SLC14A2: variants seen among roughly 807,000 people sequenced by gnomAD.
The protein encoded by SLC14A2 is solute carrier family 14 member 2.
A neutral mutation model predicts 104.6 loss-of-function variants in SLC14A2; 91 were observed. That is an observed-to-expected ratio of 0.87 (90% CI 0.73 to 1.04). The LOEUF (loss-of-function observed/expected upper bound fraction) is 1.04. Ranked by LOEUF, SLC14A2 falls within the 50% of genes least tolerant of loss-of-function variation. The pLI is 0.00. For missense variants in SLC14A2, 1,189 were observed against 1,156.0 expected (o/e 1.03, Z -0.41); for synonymous variants, 476 against 466.4 (o/e 1.02, Z -0.27).
chr18:45,171,403 G>T, the SLC14A2 span, among the ~76,000 whole-genome samples: 1 of 152,102 alleles, frequency 6.6e-6, no homozygotes, highest in Non-Finnish European at 1.5e-5. Flanking sequence ...TGCAAAGGGA[G>T]GGTAAGTAAA....
rs544802698 is a variant in SLC14A2, at chr18:45,235,824, T to TACAC, written c.-125+22634_-125+22635insCACA. The stretch of plus-strand genomic sequence containing the variant: ...GTGTGTGTGTGTGTGTATATATATA[T>TACAC]ATATATACGTGTATATATATATGTA... On this transcript the variant is annotated intron_variant, in intron 1 of 20. Coordinates refer to the SLC14A2 transcript ENST00000586448. 1.0e-3 allele frequency among the ~76,000 whole-genome samples: 111 copies of TACAC among 105,978 alleles called. 4 individuals carry two copies. Among genetic ancestry groups the TACAC allele is most frequent in the Non-Finnish European group, 1.3e-3 (63 of 48,524 alleles). 69.5% of individuals were successfully genotyped at this position (105,978 alleles called of 152,430 possible). A position where few individuals can be genotyped will look rare whatever the true frequency, so the allele number is the denominator to read the frequency against.
chr18:45,475,656 T>TG (rs1486816716), intron 1 of SLC14A2, among the ~76,000 whole-genome samples: 1 of 65,742 alleles, frequency 1.5e-5, no homozygotes, highest in Non-Finnish European at 2.9e-5. Flanking sequence ...TATATATATA[T>TG]ATATATATAT....
intron 1 of SLC14A2, among the ~76,000 whole-genome samples, chr18:45,407,726 T>C (rs1044684432): frequency 6.6e-6 from 1 of 152,136 alleles, no homozygotes; most frequent in African/African-American, 2.4e-5. Context: ...TTCAATACTG[T>C]TGTATCTCAG....
chr18:45,527,477 T>C (rs1381838373), intron 2 of SLC14A2, among the ~76,000 whole-genome samples: 1 of 152,182 alleles, frequency 6.6e-6, no homozygotes, highest in African/African-American at 2.4e-5. Context: ...AAGTTAGCAA[T>C]AGCAATAGAA....
intron 1 of SLC14A2, among the ~76,000 whole-genome samples, chr18:45,304,065 G>A (rs1045293788): frequency 6.6e-6 from 1 of 152,174 alleles, no homozygotes; most frequent in African/African-American, 2.4e-5. Flanking sequence ...TACAAAAGAA[G>A]CTTAATGATG....
chr18:45,583,737 A>C (rs1167784325), intron 2 of SLC14A2, among the ~76,000 whole-genome samples: 1 of 152,154 alleles, frequency 6.6e-6, no homozygotes, highest in Non-Finnish European at 1.5e-5. Flanking sequence ...CTGGTAAGCC[A>C]GCTCTTGAAA....
intron 1 of SLC14A2, among the ~76,000 whole-genome samples, chr18:45,233,713 C>T (rs1010078433): frequency 2.0e-5 from 3 of 152,016 alleles, no homozygotes; most frequent in African/African-American, 7.2e-5. Context: ...CTCTATGTTT[C>T]TGGATTTATT....
At chr18:45,536,748 G>A (rs954269222) in intron 2 of SLC14A2, among the ~76,000 whole-genome samples, 6 of 152,314 alleles carry the variant, frequency 3.9e-5, no homozygotes, top group African/African-American at 1.2e-4. Flanking sequence ...CATATGAATG[G>A]CAGCAAAGAC....
chr18:45,611,286 C>T, upstream of SLC14A2, among the ~76,000 whole-genome samples: 1 of 152,210 alleles, frequency 6.6e-6, no homozygotes, highest in Non-Finnish European at 1.5e-5. Context: ...ATTTCTACCC[C>T]CTCCCAGGGA....
At chr18:45,368,353 T>G (rs936164735) in intron 1 of SLC14A2, among the ~76,000 whole-genome samples, 3 of 152,128 alleles carry the variant, frequency 2.0e-5, no homozygotes, top group Admixed American at 2.0e-4. Flanking sequence ...AACAGAATAC[T>G]TAAGATAACA....
chr18:45,388,014 C>T (rs2085917489), intron 1 of SLC14A2, among the ~76,000 whole-genome samples: 2 of 148,772 alleles, frequency 1.3e-5, no homozygotes, highest in African/African-American at 5.0e-5. Context: ...CTTGGGAAGG[C>T]TCAAAGGAGG....
At chr18:45,370,026 G>A (rs1297537092) in intron 1 of SLC14A2, among the ~76,000 whole-genome samples, 1 of 152,164 alleles carries the variant, frequency 6.6e-6, no homozygotes, top group African/African-American at 2.4e-5. Flanking sequence ...GAGGCTCTAG[G>A]CAAAGCCATC....
At chr18:45,202,912 A>G in the SLC14A2 span, among the ~76,000 whole-genome samples, 1 of 152,146 alleles carries the variant, frequency 6.6e-6, no homozygotes, top group Non-Finnish European at 1.5e-5. Flanking sequence ...AGTAATGTGT[A>G]AAGAAAAAAA....
At chr18:45,623,553 GGA>G (rs961514157) in intron 1 of SLC14A2, among the ~76,000 whole-genome samples, 30 of 152,176 alleles carry the variant, frequency 2.0e-4, no homozygotes, top group African/African-American at 7.0e-4. Flanking sequence ...AAGAAATTGT[GGA>G]GAGTAAGAAT....
At chr18:45,414,757 A>ATATATATATATATAT (rs1555684043) in intron 1 of SLC14A2, among the ~76,000 whole-genome samples, 6 of 76,098 alleles carry the variant, frequency 7.9e-5, no homozygotes, top group African/African-American at 2.3e-4. Flanking sequence ...AAAAAAAAAA[A>ATATATATATATATAT]ATATATATAT....
chr18:45,371,598 T>C (rs1041267755), intron 1 of SLC14A2, among the ~76,000 whole-genome samples: 3 of 152,228 alleles, frequency 2.0e-5, no homozygotes, highest in Admixed American at 1.3e-4. Context: ...AGGCAGAGCC[T>C]GTATACAAAC....
At chr18:45,194,735 T>A in the SLC14A2 span, among the ~76,000 whole-genome samples, 2 of 143,020 alleles carry the variant, frequency 1.4e-5, no homozygotes, top group Non-Finnish European at 3.0e-5. Flanking sequence ...AAACTTCACC[T>A]CCTGGGTTCA....
chr18:45,304,656 G>C (rs988360369), intron 1 of SLC14A2, among the ~76,000 whole-genome samples: 1 of 152,214 alleles, frequency 6.6e-6, no homozygotes, highest in African/African-American at 2.4e-5. Context: ...GCAATGAATA[G>C]AATATCTATA....
chr18:45,236,748 A>T (rs976553330), intron 1 of SLC14A2, among the ~76,000 whole-genome samples: 2 of 151,948 alleles, frequency 1.3e-5, no homozygotes, highest in Non-Finnish European at 2.9e-5. Context: ...TCTCTTAAAC[A>T]TTGTGATTTC....
Sources: allele counts gnomAD v4.1 joint callset (sites outside exome capture counted in the v4.1 genomes callset), GRCh38; gene constraint gnomAD v4.1.1; transcripts MANE v1.5; gene names NCBI Gene and HGNC (gene_info 2026-07-23, HGNC 2026-07-21).